CACNA2D1: variants seen among roughly 807,000 people sequenced by gnomAD.
CACNA2D1 encodes the protein calcium voltage-gated channel auxiliary subunit alpha2delta 1.
A neutral mutation model predicts 171.5 loss-of-function variants in CACNA2D1; 53 were observed. The ratio of observed to expected loss-of-function variants is 0.31; its 90% CI spans 0.25 to 0.39. The LOEUF (loss-of-function observed/expected upper bound fraction) is 0.39. Among genes scored for constraint, CACNA2D1 ranks in the 10% least tolerant of loss-of-function variants. The pLI is 1.00. For missense variants in CACNA2D1, 903 were observed against 1,299.8 expected (o/e 0.69, Z 4.69); for synonymous variants, 442 against 443.1 (o/e 1.00, Z 0.03).
At chr7:82,085,686 G>GT (rs199517326) in intron 6 of CACNA2D1, among the ~76,000 whole-genome samples, 25,747 of 147,300 alleles carry the variant, frequency 0.17, 2,346 homozygotes, top group Middle Eastern at 0.27. Context: ...ATAAACAATA[G>GT]TTTTTTTTTT....
intron 1 of CACNA2D1, among the ~76,000 whole-genome samples, chr7:82,369,247 A>G (rs1445739875): frequency 6.6e-6 from 1 of 152,076 alleles, no homozygotes; most frequent in African/African-American, 2.4e-5. Flanking sequence ...AATGCTTAAT[A>G]CATAGTAGGA....
intron 6 of CACNA2D1, among the ~76,000 whole-genome samples, chr7:82,110,560 G>A (rs1260087376): frequency 2.6e-5 from 4 of 152,080 alleles, no homozygotes; most frequent in Admixed American, 1.3e-4. Context: ...CTTTGCAATC[G>A]TCCATAGGGC....
intron 1 of CACNA2D1, among the ~76,000 whole-genome samples, chr7:82,375,411 G>T (rs1187810483): frequency 6.6e-6 from 1 of 152,176 alleles, no homozygotes; most frequent in Non-Finnish European, 1.5e-5. Context: ...AGAACTGCAG[G>T]TGCCAAGATC....
chr7:82,329,025 T>TA (rs1387421509), intron 3 of CACNA2D1, among the ~76,000 whole-genome samples: 3 of 152,034 alleles, frequency 2.0e-5, no homozygotes, highest in Admixed American at 2.0e-4. Context: ...ATTTTTTAGT[T>TA]AAAATCCCTA....
intron 1 of CACNA2D1, among the ~76,000 whole-genome samples, chr7:82,381,741 T>C (rs1371044148): frequency 1.3e-5 from 2 of 152,156 alleles, no homozygotes; most frequent in Non-Finnish European, 2.9e-5. Context: ...CATATATAAA[T>C]TGTACATCAG....
intron 3 of CACNA2D1, among the ~76,000 whole-genome samples, chr7:82,193,530 T>C (rs1001561724): frequency 2.0e-5 from 3 of 151,990 alleles, no homozygotes; most frequent in African/African-American, 4.8e-5. Flanking sequence ...TTTAAGTAGA[T>C]TTAAAAATAA....
At chr7:82,018,586 A>T (rs1922064) in intron 12 of CACNA2D1, among the ~76,000 whole-genome samples, 46,685 of 152,092 alleles carry the variant, frequency 0.31, 7,651 homozygotes, top group Middle Eastern at 0.49. Context: ...TTATTTATGT[A>T]CTATATTATT....
At chr7:82,172,397 G>A (rs1268125959) in intron 3 of CACNA2D1, among the ~76,000 whole-genome samples, 1 of 151,960 alleles carries the variant, frequency 6.6e-6, no homozygotes, top group Non-Finnish European at 1.5e-5. Flanking sequence ...AAACACTTCA[G>A]TATGGGAAGA....
In CACNA2D1 at chr7:82,060,201, T is replaced by TA. The variant is rs747843223; in HGVS notation, c.879+226_879+227insT. ...ATAATATATATATATTATATATATATTATATATATAATATATATATAATAT... is the reference window on the plus strand; with the variant it reads ...ATAATATATATATATTATATATATATATATATATATAATATATATATAATAT... On this transcript the variant is annotated intron_variant, in intron 10 of 38. Transcript: ENST00000356860. 4.8e-3 allele frequency among the ~76,000 whole-genome samples: 50 copies of TA among 10,410 alleles called. 2 individuals are homozygous for TA. The highest frequency in any genetic ancestry group is 8.7e-3 in the African/African-American group (48 of 5,526). 6.8% of individuals were successfully genotyped at this position (10,410 alleles called of 152,430 possible). A position where few individuals can be genotyped will look rare whatever the true frequency, so the allele number is the denominator to read the frequency against.
intron 3 of CACNA2D1, among the ~76,000 whole-genome samples, chr7:82,194,453 A>G (rs1221516397): frequency 1.3e-5 from 2 of 152,046 alleles, no homozygotes; most frequent in African/African-American, 2.4e-5. Context: ...TGGAGTATGC[A>G]TATGTAAATA....
At chr7:81,962,149 G>T in intron 35 of CACNA2D1, 126 bp from the exon 36 acceptor site, 1 of 834,394 alleles carries the variant, frequency 1.2e-6, no homozygotes, top group Non-Finnish European at 1.9e-6. Context: ...CCCTCGACTG[G>T]CTTGTTTACT....
chr7:82,422,869 C>T (rs1480330699), intron 1 of CACNA2D1, among the ~76,000 whole-genome samples: 2 of 151,408 alleles, frequency 1.3e-5, no homozygotes, highest in Non-Finnish European at 1.5e-5. Context: ...AGAAAATAAG[C>T]AAAAGATGCT....
rs1005088542 is a variant in CACNA2D1, at chr7:81,982,604, T to C, written c.1918A>G (p.Asn640Asp). 12 of 1,608,792 alleles carry C rather than the reference T, an allele frequency of 7.5e-6. No homozygotes were observed. Among genetic ancestry groups the C allele is most frequent in the Admixed American group, 1.7e-5 (1 of 59,974 alleles). The change falls in exon 24 of 39, where the codon AAT (asparagine) becomes GAT (aspartate). Residue 640 changes from asparagine to aspartate, a missense_variant. Asn to Asp is a conservative substitution (Grantham distance 23, BLOSUM62 1). Coordinates refer to ENST00000356860, the MANE Select transcript of CACNA2D1 (RefSeq NM_000722.4). ...AATGTATAGCCAGATTCTTCAAAAT[T>C]ATCTGGCTTCAGGGTTTCCGAATCT... ...MKDSETLKPD[N>D]FEESGYTFIA... is the part of the protein sequence containing the mutation.
Position 82,443,451 on chromosome 7 carries a change from A to T in CACNA2D1, c.9T>A (p.Ala3=). The change falls in exon 1 of 39, where the codon GCT becomes GCA. Residue 3 remains alanine, a synonymous_variant. Coordinates refer to ENST00000356860, the MANE Select transcript of CACNA2D1 (RefSeq NM_000722.4). MA[A]GCLLALTLTL... Reference sequence around the variant, plus strand: ...TCAGAGTCAAGGCCAGCAGGCAGCCAGCAGCCATCTTCGCGATCGAAGATC... The same window carrying T: ...TCAGAGTCAAGGCCAGCAGGCAGCCTGCAGCCATCTTCGCGATCGAAGATC... 6.2e-7 allele frequency: 1 copy of T among 1,607,588 alleles called. No homozygotes were observed. The highest frequency in any genetic ancestry group is 8.5e-7 in the Non-Finnish European group (1 of 1,176,658).
chr7:82,161,608 T>C (rs1223374048), intron 4 of CACNA2D1, among the ~76,000 whole-genome samples: 1 of 152,018 alleles, frequency 6.6e-6, no homozygotes, highest in Non-Finnish European at 1.5e-5. Context: ...GAATTTGAGC[T>C]ATATTAACTG....
chr7:82,234,176 T>C (rs1403762838), intron 3 of CACNA2D1, among the ~76,000 whole-genome samples: 2 of 152,104 alleles, frequency 1.3e-5, no homozygotes, highest in Non-Finnish European at 2.9e-5. Context: ...TGGTTCAAGA[T>C]GCTTCCCCTA....
chr7:82,269,971 A>G (rs575708223), intron 3 of CACNA2D1, among the ~76,000 whole-genome samples: 30 of 152,276 alleles, frequency 2.0e-4, no homozygotes, highest in African/African-American at 6.3e-4. Flanking sequence ...AGCAAGCAGC[A>G]TTGGAGGCTG....
At chr7:82,432,629 G>T (rs6967548) in intron 1 of CACNA2D1, among the ~76,000 whole-genome samples, 1 of 152,088 alleles carries the variant, frequency 6.6e-6, no homozygotes, top group East Asian at 1.9e-4. Context: ...GCGAGCCCTC[G>T]CCCAAATTCC....
At chr7:82,049,488 A>G (rs534777182) in intron 10 of CACNA2D1, among the ~76,000 whole-genome samples, 1 of 152,322 alleles carries the variant, frequency 6.6e-6, no homozygotes, top group African/African-American at 2.4e-5. Context: ...TATTTACAAC[A>G]AGCCCCAGTT....
Sources: allele counts gnomAD v4.1 joint callset (sites outside exome capture counted in the v4.1 genomes callset), GRCh38; gene constraint gnomAD v4.1.1; transcripts MANE v1.5; gene names NCBI Gene and HGNC (gene_info 2026-07-23, HGNC 2026-07-21).